Variants in ADAMTS17 observed in about 807,000 individuals in gnomAD.
The protein encoded by ADAMTS17 is ADAM metallopeptidase with thrombospondin type 1 motif 17.
Under a neutral mutation model 141.5 loss-of-function variants are expected in ADAMTS17, and 113 were observed. The ratio of observed to expected loss-of-function variants is 0.80; its 90% CI spans 0.69 to 0.93. The LOEUF is 0.93. Among genes scored for constraint, ADAMTS17 ranks in the 40% least tolerant of loss-of-function variants. The pLI, the probability that ADAMTS17 is intolerant of heterozygous loss-of-function variation, is 0.00. For synonymous variants in ADAMTS17, 768 were observed against 630.6 expected (o/e 1.22, Z -3.27); for missense variants, 1,659 against 1,517.9 (o/e 1.09, Z -1.54).
At chr15:100,163,331 A>T (rs980456641) in intron 8 of ADAMTS17, among the ~76,000 whole-genome samples, 2 of 152,066 alleles carry the variant, frequency 1.3e-5, no homozygotes, top group African/African-American at 4.8e-5. Flanking sequence ...ACACCCTGAG[A>T]GTGTGTGAGA....
At chr15:100,053,868 A>G (rs1345395527) in intron 16 of ADAMTS17, 29 bp downstream of exon 16, 1 of 1,614,054 alleles carries the variant, frequency 6.2e-7, no homozygotes, top group Non-Finnish European at 8.5e-7. Flanking sequence ...CACACCCCCT[A>G]AGACAAGTGT....
chr15:100,123,748 G>C (rs1358133256), intron 12 of ADAMTS17, among the ~76,000 whole-genome samples: 1 of 152,148 alleles, frequency 6.6e-6, no homozygotes, highest in East Asian at 1.9e-4. Context: ...ATAACCGCTT[G>C]GCTGACGAGC....
rs191323444 is a variant in ADAMTS17 at position 100,159,303 on chromosome 15, C to T, written c.1182-3983G>A. On this transcript the variant is annotated intron_variant, in intron 8 of 21. Coordinates refer to ENST00000268070, the MANE Select transcript of ADAMTS17 (RefSeq NM_139057.4). ...TTCAGTCTTAAAAAAAGAAATTCTG[C>T]GATATGCAACAACATGGGTGAACCT... Among the ~76,000 whole-genome samples, 193 of 152,260 alleles carry T rather than the reference C, an allele frequency of 1.3e-3. 1 individual carries two copies. The highest frequency in any genetic ancestry group is 2.0e-3 in the African/African-American group (83 of 41,538).
chr15:100,029,326 G>A (rs60670259), intron 18 of ADAMTS17, among the ~76,000 whole-genome samples: 1,706 of 152,260 alleles, frequency 0.011, 36 homozygotes, highest in African/African-American at 0.038. Context: ...AACCCTGCTC[G>A]GTTTCCTTTC....
chr15:100,272,100 G>T (rs971074475), intron 4 of ADAMTS17, among the ~76,000 whole-genome samples: 11 of 152,126 alleles, frequency 7.2e-5, no homozygotes, highest in Non-Finnish European at 1.5e-4. Context: ...AAAGTGTTTT[G>T]ATTATTACAG....
At chr15:100,051,546 A>G in intron 17 of ADAMTS17, 26 bp downstream of exon 17, 1 of 1,612,504 alleles carries the variant, frequency 6.2e-7, no homozygotes, top group Non-Finnish European at 8.5e-7. Context: ...CCCACACCCA[A>G]CAGGTCATGG....
intron 18 of ADAMTS17, among the ~76,000 whole-genome samples, chr15:100,046,113 T>C (rs2031662977): frequency 6.6e-6 from 1 of 152,178 alleles, no homozygotes; most frequent in Admixed American, 6.5e-5. Flanking sequence ...ACTCCTGACC[T>C]TAAGTGATCT....
intron 20 of ADAMTS17, among the ~76,000 whole-genome samples, chr15:99,991,844 A>T (rs960171360): frequency 6.6e-6 from 1 of 152,220 alleles, no homozygotes; most frequent in Non-Finnish European, 1.5e-5. Context: ...ATGCAGCCAC[A>T]AAAAAGGATG....
intron 7 of ADAMTS17, among the ~76,000 whole-genome samples, chr15:100,210,789 A>G (rs1354856192): frequency 6.6e-6 from 1 of 151,094 alleles, no homozygotes; most frequent in Non-Finnish European, 1.5e-5. Context: ...AGCATGGCTG[A>G]AACCCCGTCT....
At chr15:100,296,518 T>C (rs2044818088) in intron 3 of ADAMTS17, among the ~76,000 whole-genome samples, 1 of 152,216 alleles carries the variant, frequency 6.6e-6, no homozygotes, top group Non-Finnish European at 1.5e-5. Flanking sequence ...ATCTTTTTCA[T>C]GTAAATTCCT....
intron 18 of ADAMTS17, among the ~76,000 whole-genome samples, chr15:100,005,867 G>A (rs951038428): frequency 3.3e-5 from 5 of 152,122 alleles, no homozygotes; most frequent in Admixed American, 2.6e-4. Context: ...GGGCCCTGAA[G>A]GAGAACGTGT....
At chr15:100,123,943 A>C (rs2037583814) in intron 12 of ADAMTS17, among the ~76,000 whole-genome samples, 1 of 150,506 alleles carries the variant, frequency 6.6e-6, no homozygotes, top group Non-Finnish European at 1.5e-5. Context: ...TTTACTATCA[A>C]TCGTTTCTAG....
intron 15 of ADAMTS17, among the ~76,000 whole-genome samples, chr15:100,082,938 A>G (rs1435260854): frequency 6.6e-6 from 1 of 152,110 alleles, no homozygotes; most frequent in Non-Finnish European, 1.5e-5. Context: ...GTTGGCAACC[A>G]AAATACCAGA....
intron 8 of ADAMTS17, among the ~76,000 whole-genome samples, chr15:100,156,092 A>ATT (rs2039422954): frequency 6.6e-6 from 1 of 152,236 alleles, no homozygotes. Context: ...ATGTACTTTC[A>ATT]TTCATTCAAA....
chr15:99,984,791 C>T (rs1024930731), intron 20 of ADAMTS17, among the ~76,000 whole-genome samples: 10 of 152,370 alleles, frequency 6.6e-5, no homozygotes, highest in African/African-American at 1.9e-4. Flanking sequence ...GGGATGATGT[C>T]TTCTGACTTA....
At chr15:100,306,237 A>G (rs992788019) in intron 3 of ADAMTS17, 3 of 333,892 alleles carry the variant, frequency 9.0e-6, no homozygotes, top group Non-Finnish European at 1.8e-5. Context: ...GGTGGGGTCT[A>G]TCTCTCTGCC....
At chr15:99,979,333 G>C (rs1204806978) in intron 20 of ADAMTS17, 1 of 151,876 alleles carries the variant, frequency 6.6e-6, no homozygotes, top group Non-Finnish European at 1.5e-5. Context: ...AGGTTGTGGT[G>C]AGCTGCGATC....
chr15:100,132,067 A>C lies in ADAMTS17; in HGVS notation c.1661T>G (p.Met554Arg), dbSNP rs770984984. 1 of 1,613,638 alleles carries C rather than the reference A, an allele frequency of 6.2e-7. No individual in the cohort carries two copies. The highest frequency in any genetic ancestry group is 8.5e-7 in the Non-Finnish European group (1 of 1,179,576). Residue 554 changes from methionine to arginine, a missense_variant, in exon 12 of 22, where the codon ATG becomes AGG. Coordinates refer to ENST00000268070, the MANE Select transcript of ADAMTS17 (RefSeq NM_139057.4). ...TCCCGTCCCACATGTTCGGCTGCAC[A>C]TGCTCCAGGCGCCCCACGGGCTCCA... ...GDWSPWGAWS[M>R]CSRTCGTGAR...
At chr15:100,094,385 AG>A (rs995469090) in intron 15 of ADAMTS17, among the ~76,000 whole-genome samples, 1 of 152,224 alleles carries the variant, frequency 6.6e-6, no homozygotes, top group African/African-American at 2.4e-5. Flanking sequence ...TGGATGGAGA[AG>A]GGAAAGGGGT....
Sources: allele counts gnomAD v4.1 joint callset (sites outside exome capture counted in the v4.1 genomes callset), GRCh38; gene constraint gnomAD v4.1.1; transcripts MANE v1.5; gene names NCBI Gene and HGNC (gene_info 2026-07-23, HGNC 2026-07-21).